SLC35F1: variants seen among roughly 807,000 people sequenced by gnomAD.
The protein encoded by SLC35F1 is chromosome 6 open reading frame 169.
In SLC35F1, 14 loss-of-function variants were observed where a neutral mutation model predicts 48.7. The ratio of observed to expected loss-of-function variants is 0.29; its 90% CI spans 0.19 to 0.45. The LOEUF is 0.45. SLC35F1 is among the 20% of genes least tolerant of loss of function. SLC35F1 has a pLI of 1.00. For missense variants in SLC35F1, 404 were observed against 500.0 expected (o/e 0.81, Z 1.83); for synonymous variants, 190 against 202.2 (o/e 0.94, Z 0.51).
In SLC35F1 at chr6:118,001,886, C is replaced by T. The variant is rs377073878; in HGVS notation, c.173+93987C>T. Among the ~76,000 whole-genome samples the T allele has an allele frequency of 2.6e-5, 4 of 151,512 alleles. 1 individual carries two copies. Among genetic ancestry groups the T allele is most frequent in the South Asian group, 2.1e-4 (1 of 4,760 alleles). ...CACTGGCCATCAGAGAAATGCAAAT[C>T]AAAACCACAATGAGATACCATCTCA... On this transcript the variant is annotated intron_variant, in intron 1 of 7. Coordinates refer to ENST00000360388, the MANE Select transcript of SLC35F1 (RefSeq NM_001029858.4).
At chr6:118,019,433 C>T (rs1015511133) in intron 1 of SLC35F1, among the ~76,000 whole-genome samples, 1 of 152,070 alleles carries the variant, frequency 6.6e-6, no homozygotes, top group Non-Finnish European at 1.5e-5. Context: ...ACTAGCCTGG[C>T]CAACATGGTG....
chr6:118,176,151 A>G (rs996407969), intron 2 of SLC35F1, among the ~76,000 whole-genome samples: 2 of 152,058 alleles, frequency 1.3e-5, no homozygotes, highest in African/African-American at 2.4e-5. Flanking sequence ...TCTCTACCCC[A>G]TGGAATATTG....
At chr6:118,086,628 G>A (rs1182033837) in intron 1 of SLC35F1, among the ~76,000 whole-genome samples, 2 of 152,166 alleles carry the variant, frequency 1.3e-5, no homozygotes, top group Non-Finnish European at 2.9e-5. Flanking sequence ...CCCACCTCCA[G>A]CCTCCTTTGT....
intron 1 of SLC35F1, among the ~76,000 whole-genome samples, chr6:118,060,879 A>G (rs1039365266): frequency 3.4e-4 from 52 of 152,184 alleles, no homozygotes; most frequent in African/African-American, 1.1e-3. Context: ...TAGTTGCCCA[A>G]TTGAGAGTAG....
intron 2 of SLC35F1, among the ~76,000 whole-genome samples, chr6:118,209,104 C>A (rs1420168983): frequency 1.3e-5 from 2 of 152,206 alleles, no homozygotes; most frequent in African/African-American, 2.4e-5. Context: ...ACAGTGAGGG[C>A]TTGCTGGGTT....
At chr6:118,184,302 C>T (rs1229082211) in intron 2 of SLC35F1, among the ~76,000 whole-genome samples, 1 of 152,136 alleles carries the variant, frequency 6.6e-6, no homozygotes, top group African/African-American at 2.4e-5. Flanking sequence ...TGATGGAGTA[C>T]CTGGCTCTAC....
rs188216000 is a variant in SLC35F1, at chr6:118,297,687, T to G, written c.1002+12349T>G. Among the ~76,000 whole-genome samples the G allele has an allele frequency of 5.8e-3, 657 of 113,932 alleles. 16 individuals are homozygous for G. Among genetic ancestry groups the G allele is most frequent in the African/African-American group, 0.026 (630 of 24,164 alleles). The allele number at this position is 113,932 out of a possible 152,430, so 74.7% of individuals were successfully genotyped here. A position where few individuals can be genotyped will look rare whatever the true frequency, so the allele number is the denominator to read the frequency against. On this transcript the variant is annotated intron_variant, in intron 7 of 7. Transcript: ENST00000360388. ...AATATTATATAAGTTCTGAGAAATA[T>G]ATATTATATATATAAGTTCTGAGAA...
rs1475611882 is a variant in SLC35F1, at chr6:118,087,026, G to A, written c.174-67419G>A. ...TGTGTTCTTTGTTCCCCAGTCCCCC[G>A]GGACCCTAAGGTGCTGGGGCCCTGT... On this transcript the variant is annotated intron_variant, in intron 1 of 7. Transcript: ENST00000360388. Among the ~76,000 whole-genome samples the A allele has an allele frequency of 4.6e-5, 7 of 152,160 alleles. No homozygotes were observed. The East Asian group carries it at 9.7e-4, about 21-fold the overall frequency.
chr6:117,914,122 C>T (rs1160457104), intron 1 of SLC35F1, among the ~76,000 whole-genome samples: 1 of 151,604 alleles, frequency 6.6e-6, no homozygotes, highest in Non-Finnish European at 1.5e-5. Context: ...ATCTATCTAT[C>T]TATCTATCTA....
intron 1 of SLC35F1, among the ~76,000 whole-genome samples, chr6:118,102,917 G>A (rs1380894714): frequency 2.0e-5 from 3 of 152,212 alleles, no homozygotes; most frequent in Non-Finnish European, 4.4e-5. Flanking sequence ...CATCTGCACA[G>A]ATCTAGATTT....
chr6:118,056,777 A>C (rs988921149), intron 1 of SLC35F1, among the ~76,000 whole-genome samples: 2 of 152,194 alleles, frequency 1.3e-5, no homozygotes, highest in African/African-American at 4.8e-5. Context: ...TGAGCCTGAT[A>C]ATCATTATCT....
intron 2 of SLC35F1, among the ~76,000 whole-genome samples, chr6:118,212,155 G>C (rs542064009): frequency 3.9e-5 from 6 of 152,016 alleles, no homozygotes; most frequent in African/African-American, 1.2e-4. Context: ...TTCTTTTCTC[G>C]CATGTCTTTG....
At chr6:118,133,507 T>G (rs2114427065) in intron 1 of SLC35F1, among the ~76,000 whole-genome samples, 1 of 152,298 alleles carries the variant, frequency 6.6e-6, no homozygotes, top group East Asian at 1.9e-4. Context: ...TTAATCATAT[T>G]GATAGAATAA....
At chr6:117,990,483 T>C (rs549941425) in intron 1 of SLC35F1, among the ~76,000 whole-genome samples, 5 of 152,326 alleles carry the variant, frequency 3.3e-5, no homozygotes, top group African/African-American at 1.2e-4. Flanking sequence ...ATTTCAATAA[T>C]TTCAAAATTC....
At position 118,095,560 on chromosome 6, in the gene SLC35F1, T is replaced by TC. The variant is rs147859965; in HGVS notation, c.174-58884dup. Among the ~76,000 whole-genome samples, 1,322 of 152,296 alleles carry TC rather than the reference T, an allele frequency of 8.7e-3. 19 individuals are homozygous for TC. The highest frequency in any genetic ancestry group is 0.03 in the African/African-American group (1,251 of 41,556). On this transcript the variant is annotated intron_variant, in intron 1 of 7. Coordinates refer to ENST00000360388, the MANE Select transcript of SLC35F1 (RefSeq NM_001029858.4). ...AAACAGCTGTAGGAATCAGTTAATT[T>TC]CTATAGGCCCGTGTACTGAAGAAAT...
intron 7 of SLC35F1, among the ~76,000 whole-genome samples, chr6:118,311,733 G>A (rs1485676305): frequency 6.6e-6 from 1 of 152,126 alleles, no homozygotes; most frequent in Admixed American, 6.5e-5. Flanking sequence ...TGATGCTGCG[G>A]TAAACCATGA....
intron 1 of SLC35F1, among the ~76,000 whole-genome samples, chr6:117,939,414 T>C (rs1214606727): frequency 6.6e-6 from 1 of 152,246 alleles, no homozygotes. Flanking sequence ...TTTGCATTTA[T>C]TTATTTTCCT....
At chr6:118,147,474 T>A (rs1186560660) in intron 1 of SLC35F1, among the ~76,000 whole-genome samples, 1 of 151,968 alleles carries the variant, frequency 6.6e-6, no homozygotes, top group Non-Finnish European at 1.5e-5. Flanking sequence ...ACACTGGAGA[T>A]AGGTGAGATC....
At chr6:117,967,719 A>C (rs1208029640) in intron 1 of SLC35F1, among the ~76,000 whole-genome samples, 5 of 152,226 alleles carry the variant, frequency 3.3e-5, no homozygotes, top group African/African-American at 1.2e-4. Context: ...TGAGTGAGTT[A>C]ATGAAAGTTA....
Sources: allele counts gnomAD v4.1 joint callset (sites outside exome capture counted in the v4.1 genomes callset), GRCh38; gene constraint gnomAD v4.1.1; transcripts MANE v1.5; gene names NCBI Gene and HGNC (gene_info 2026-07-23, HGNC 2026-07-21).